The following SLC1A3 variants were observed in gnomAD, a reference collection of about 807,000 sequenced individuals.
The protein encoded by SLC1A3 is solute carrier family 1 member 3, also known as excitatory amino acid transporter 1.
A neutral mutation model predicts 48.1 loss-of-function variants in SLC1A3; 21 were observed. The ratio of observed to expected loss-of-function variants is 0.44; its 90% CI spans 0.31 to 0.63. The LOEUF (loss-of-function observed/expected upper bound fraction) is 0.63, where lower values mean the gene tolerates loss of function less well. Ranked by LOEUF, SLC1A3 falls within the 20% of genes least tolerant of loss-of-function variation. The pLI is 0.08. For synonymous variants in SLC1A3, 239 were observed against 251.4 expected (o/e 0.95, Z 0.47); for missense variants, 546 against 689.0 (o/e 0.79, Z 2.32).
Position 36,623,723 on chromosome 5 carries a change from G to A in SLC1A3, c.182-5727G>A, listed in dbSNP as rs566895209. Among the ~76,000 whole-genome samples the A allele has an allele frequency of 2.0e-5, 3 of 151,578 alleles. No homozygotes were observed. In the South Asian group the frequency reaches 6.2e-4, roughly 32 times the overall value. On this transcript the variant is annotated intron_variant, in intron 2 of 9. Transcript: ENST00000265113. Reference sequence around the variant, plus strand: ...ACAAAAAAAAAAAAAAATTAGCCATGCATGGTGGCGCATGCCTGTAATCCC... The same window carrying A: ...ACAAAAAAAAAAAAAAATTAGCCATACATGGTGGCGCATGCCTGTAATCCC...
At chr5:36,679,596 C>T (rs756325187) in intron 6 of SLC1A3, 31 bp from the exon 7 acceptor site, 13 of 1,496,946 alleles carry the variant, frequency 8.7e-6, no homozygotes, top group Non-Finnish European at 9.3e-6. Context: ...GGAAACCAGA[C>T]TCCAACCGTG....
intron 2 of SLC1A3, among the ~76,000 whole-genome samples, chr5:36,628,538 A>C (rs193139835): frequency 1.1e-4 from 16 of 152,332 alleles, no homozygotes; most frequent in African/African-American, 3.8e-4. Context: ...GCAAGGCAAA[A>C]ACTTTAAAAA....
chr5:36,603,867 T>A (rs1738835764), upstream of SLC1A3, among the ~76,000 whole-genome samples: 15 of 152,144 alleles, frequency 9.9e-5, no homozygotes, highest in Admixed American at 9.8e-4. Context: ...AAAATCAACT[T>A]GGAAAATATT....
chr5:36,618,138 C>T (rs79570294), intron 2 of SLC1A3, among the ~76,000 whole-genome samples: 33 of 152,286 alleles, frequency 2.2e-4, no homozygotes, highest in East Asian at 1.9e-3. Context: ...AGGATAGAAT[C>T]AGGTAGATGC....
chr5:36,650,204 G>A (rs555075733), intron 3 of SLC1A3, among the ~76,000 whole-genome samples: 28 of 152,266 alleles, frequency 1.8e-4, no homozygotes, highest in Admixed American at 5.2e-4. Flanking sequence ...GAGGGTGGAA[G>A]TCCTCTCTCC....
upstream of SLC1A3, among the ~76,000 whole-genome samples, chr5:36,603,127 A>T (rs112200020): frequency 9.5e-3 from 1,441 of 152,342 alleles, 30 homozygotes; most frequent in African/African-American, 0.032. Context: ...CTCCCCATTG[A>T]CTAGGAGTGG....
chr5:36,630,144 C>T (rs3776563), intron 3 of SLC1A3: 4,439 of 158,402 alleles, frequency 0.028, 126 homozygotes, highest in Admixed American at 0.095. Context: ...CCTCCCACCC[C>T]CGTTACCTTT....
intron 3 of SLC1A3, among the ~76,000 whole-genome samples, chr5:36,657,611 C>G (rs920680730): frequency 1.3e-5 from 2 of 152,228 alleles, no homozygotes; most frequent in African/African-American, 4.8e-5. Flanking sequence ...GCTTCCACTG[C>G]ATATGCCTGT....
rs532187788 is a variant in SLC1A3, at chr5:36,608,289, C to T, written c.-95-40C>T. 6.4e-4 allele frequency: 487 copies of T among 764,882 alleles called. 1 individual carries two copies. Among genetic ancestry groups the T allele is most frequent in the Middle Eastern group, 2.3e-3 (6 of 2,620 alleles). The allele number at this position is 764,882 out of a possible 1,614,324, so 47.4% of individuals were successfully genotyped here. On this transcript the variant is annotated intron_variant, in intron 1 of 9. Transcript: ENST00000265113. ...GTGGAGCAGCACTGATTTCTCACCC[C>T]TGGAGGCTATAACTCATGTCTCTTT... is the stretch of plus-strand genomic sequence containing the variant.
chr5:36,658,028 C>T (rs748036213), intron 3 of SLC1A3, among the ~76,000 whole-genome samples: 1 of 152,172 alleles, frequency 6.6e-6, no homozygotes, highest in Non-Finnish European at 1.5e-5. Flanking sequence ...AGGCAATGTG[C>T]TAACCAGGGC....
In SLC1A3 at chr5:36,676,852, A is replaced by T. The variant is rs760094263; in HGVS notation, c.568-40A>T. Reference sequence around the variant, plus strand: ...ATAGGAAAATATAAAGAAAAAAATAAAAATCACCTTTAATCCTCGTTGTGC... The same window carrying T: ...ATAGGAAAATATAAAGAAAAAAATATAAATCACCTTTAATCCTCGTTGTGC... On this transcript the variant is annotated intron_variant, in intron 5 of 9. Transcript: ENST00000265113. 2.1e-5 allele frequency: 32 copies of T among 1,489,374 alleles called. No homozygotes were observed. In the South Asian group the frequency reaches 2.6e-4, roughly 12 times the overall value. The allele number at this position is 1,489,374 out of a possible 1,614,324, so 92.3% of individuals were successfully genotyped here.
Position 36,652,349 on chromosome 5 carries a change from A to G in SLC1A3, c.320-18680A>G, listed in dbSNP as rs116376217. 5.0e-3 allele frequency among the ~76,000 whole-genome samples: 759 copies of G among 151,994 alleles called. 10 individuals carry two copies. Among genetic ancestry groups the G allele is most frequent in the African/African-American group, 0.017 (717 of 41,454 alleles). The stretch of plus-strand genomic sequence containing the variant: ...ATACACACACACACACACACACAAC[A>G]TTCACTCTCCTTCAGTGCTTAGGAT... On this transcript the variant is annotated intron_variant, in intron 3 of 9. Transcript: ENST00000265113.
At chr5:36,671,330 C>T in intron 4 of SLC1A3, 97 bp downstream of exon 4, 2 of 810,920 alleles carry the variant, frequency 2.5e-6, no homozygotes, top group South Asian at 2.9e-5. Context: ...TGTGACTGAA[C>T]CAGCCTTGCC....
chr5:36,606,307 A>C (rs1738937944), upstream of SLC1A3: 1 of 152,266 alleles, frequency 6.6e-6, no homozygotes, highest in Non-Finnish European at 1.5e-5. Flanking sequence ...GCCTTAGAAA[A>C]GTCTTTGAAA....
chr5:36,661,827 C>A (rs926093456), intron 3 of SLC1A3, among the ~76,000 whole-genome samples: 2 of 152,244 alleles, frequency 1.3e-5, no homozygotes, highest in African/African-American at 2.4e-5. Context: ...TTGAGTCTGA[C>A]ATGCTCTGCA....
chr5:36,604,693 G>GA (rs377086335), upstream of SLC1A3, among the ~76,000 whole-genome samples: 287 of 150,656 alleles, frequency 1.9e-3, no homozygotes, highest in African/African-American at 6.2e-3. Context: ...GATTAGAGAG[G>GA]AAAAAAAAAG....
chr5:36,634,249 C>A (rs12518875), intron 3 of SLC1A3, among the ~76,000 whole-genome samples: 70,269 of 151,536 alleles, frequency 0.46, 18,799 homozygotes, highest in Non-Finnish European at 0.59. Context: ...GTAGTCCAGC[C>A]TGGGTAACGG....
intron 3 of SLC1A3, among the ~76,000 whole-genome samples, chr5:36,659,063 G>A (rs1302279658): frequency 6.6e-6 from 1 of 151,848 alleles, no homozygotes; most frequent in African/African-American, 2.4e-5. Flanking sequence ...ATTCCACATT[G>A]GATAGATCAA....
intron 8 of SLC1A3, among the ~76,000 whole-genome samples, chr5:36,682,316 G>C (rs956847075): frequency 6.6e-6 from 1 of 152,168 alleles, no homozygotes; most frequent in Non-Finnish European, 1.5e-5. Context: ...TATATGTTTT[G>C]TGTTAGTAGA....
Sources: allele counts gnomAD v4.1 joint callset (sites outside exome capture counted in the v4.1 genomes callset), GRCh38; gene constraint gnomAD v4.1.1; transcripts MANE v1.5; gene names NCBI Gene and HGNC (gene_info 2026-07-23, HGNC 2026-07-21).